FUBP1: variants seen among roughly 807,000 people sequenced by gnomAD.
The protein encoded by FUBP1 is far upstream element binding protein 1, also known as far upstream element-binding protein 1.
A neutral mutation model predicts 94.9 loss-of-function variants in FUBP1; 16 were observed. The observed-to-expected ratio is 0.17, with a 90% CI of 0.11 to 0.26. The LOEUF (loss-of-function observed/expected upper bound fraction) is 0.26. Among genes scored for constraint, FUBP1 ranks in the 10% least tolerant of loss-of-function variants. The pLI, the probability that FUBP1 is intolerant of heterozygous loss-of-function variation, is 1.00. For synonymous variants in FUBP1, 279 were observed against 254.9 expected (o/e 1.09, Z -0.90); for missense variants, 583 against 808.6 (o/e 0.72, Z 3.38).
At chr1:77,950,050 G>A (rs938181858) in intron 18 of FUBP1, among the ~76,000 whole-genome samples, 2 of 152,202 alleles carry the variant, frequency 1.3e-5, no homozygotes, top group South Asian at 2.1e-4. Flanking sequence ...GCAATGAAAT[G>A]CAACGCATGA....
chr1:77,961,917 G>A (rs551422010), intron 14 of FUBP1, among the ~76,000 whole-genome samples: 5 of 152,216 alleles, frequency 3.3e-5, no homozygotes, highest in Admixed American at 3.3e-4. Flanking sequence ...TTTGTAAGAC[G>A]TTCCTTAAGC....
At chr1:77,964,228 C>G (rs985802284) in intron 11 of FUBP1, 26 bp downstream of exon 11, 5 of 1,552,726 alleles carry the variant, frequency 3.2e-6, no homozygotes, top group Middle Eastern at 1.7e-4. Context: ...GCTGCCAACA[C>G]TTACAAGATT....
In FUBP1 at chr1:77,947,531, T is replaced by C. The variant is rs1447421657; in HGVS notation, c.*1235A>G. ...CCTCACCCCTACAGAGCTAGTTCTA[T>C]ACTGGCTGGATCAAACCTGCACTTC... is the stretch of plus-strand genomic sequence containing the variant. On this transcript the variant is annotated 3_prime_UTR_variant, in exon 20 of 20. Transcript: ENST00000370768. The C allele has an allele frequency of 8.1e-6, 11 of 1,352,480 alleles. No individual in the cohort carries two copies. The highest frequency in any genetic ancestry group is 2.2e-5 in the Admixed American group (1 of 45,540). The allele number at this position is 1,352,480 out of a possible 1,614,324, so 83.8% of individuals were successfully genotyped here.
chr1:77,957,190 A>G (rs1302231132), intron 16 of FUBP1, among the ~76,000 whole-genome samples: 2 of 152,226 alleles, frequency 1.3e-5, no homozygotes, highest in Non-Finnish European at 2.9e-5. Context: ...GATTAGCCAC[A>G]TTTCATCCTA....
In FUBP1 at chr1:77,944,442, G is replaced by A. The variant is rs182420994; in HGVS notation, c.*4324C>T. ...ACCAATTTAAAAAAATCCCTCAAAA[G>A]CTTATATTGTGGCAAGAAAAATGAA... On this transcript the variant is annotated 3_prime_UTR_variant, in exon 20 of 20. Transcript: ENST00000370768. Among the ~76,000 whole-genome samples, 4 of 151,808 alleles carry A rather than the reference G, an allele frequency of 2.6e-5. No homozygotes were observed. The highest frequency in any genetic ancestry group is 2.6e-4 in the Admixed American group (4 of 15,234).
At chr1:77,950,940 C>G (rs188360403) in intron 18 of FUBP1, among the ~76,000 whole-genome samples, 67 of 152,192 alleles carry the variant, frequency 4.4e-4, no homozygotes, top group Admixed American at 2.2e-3. Context: ...ACAGAGAACT[C>G]TCATATACTA....
Position 77,947,602 on chromosome 1 carries a change from A to G in FUBP1, c.*1164T>C. On this transcript the variant is annotated 3_prime_UTR_variant, in exon 20 of 20. Transcript: ENST00000370768. The stretch of plus-strand genomic sequence containing the variant: ...ACTGTATTTGCATGTAGTCTAATAT[A>G]TTAATATGCAAAGAGCCAACAAATA... The G allele has an allele frequency of 8.6e-7, 1 of 1,156,076 alleles. No individual in the cohort carries two copies. The highest frequency in any genetic ancestry group is 1.2e-6 in the Non-Finnish European group (1 of 847,960). 71.6% of individuals were successfully genotyped at this position (1,156,076 alleles called of 1,614,324 possible).
rs1397515943 is a variant in FUBP1, at chr1:77,973,714, A to ATTTGGG, written c.121-3700_121-3699insCCCAAA. ...TCCAAGAATTTGGGAGTTGAAAAGAAACTTAAAAGACACAGTAGTCTCTTT... is the reference window on the plus strand; with the variant it reads ...TCCAAGAATTTGGGAGTTGAAAAGAATTTGGGACTTAAAAGACACAGTAGTCTCTTT... On this transcript the variant is annotated intron_variant, in intron 1 of 19. Transcript: ENST00000370768. 3.3e-5 allele frequency among the ~76,000 whole-genome samples: 5 copies of ATTTGGG among 149,892 alleles called. No homozygotes were observed. In the Admixed American group the frequency reaches 3.3e-4, roughly 10 times the overall value.
At chr1:77,973,525 C>G (rs1026210543) in intron 1 of FUBP1, among the ~76,000 whole-genome samples, 1 of 152,234 alleles carries the variant, frequency 6.6e-6, no homozygotes, top group Non-Finnish European at 1.5e-5. Flanking sequence ...GGATTACAGG[C>G]GTAAGCCACC....
intron 13 of FUBP1, 68 bp from the exon 14 acceptor site, chr1:77,962,998 T>TAG (rs1298727290): frequency 9.7e-7 from 1 of 1,029,762 alleles, no homozygotes; most frequent in Non-Finnish European, 1.4e-6. Flanking sequence ...TAGAAGAAAA[T>TAG]GGTCACAATT....
At chr1:77,949,435 CA>C (rs201574163) in intron 18 of FUBP1, 135 bp from the exon 19 acceptor site, 108,677 of 471,382 alleles carry the variant, frequency 0.23, 6,513 homozygotes, top group South Asian at 0.32. Flanking sequence ...CCTTGTTGAC[CA>C]AAAAAAAAAA....
chr1:77,944,784 T>TATATTTTACA lies in FUBP1; in HGVS notation c.*3972_*3981dup, dbSNP rs1226866183. The stretch of plus-strand genomic sequence containing the variant: ...CTACCAAGATAATTTGTTTAAAAGA[T>TATATTTTACA]ATATTTTACAATGTTTATAAACAAC... On this transcript the variant is annotated 3_prime_UTR_variant, in exon 20 of 20. Coordinates refer to ENST00000370768, the MANE Select transcript of FUBP1 (RefSeq NM_003902.5). Among the ~76,000 whole-genome samples, 2 of 151,984 alleles carry TATATTTTACA rather than the reference T, an allele frequency of 1.3e-5. No homozygotes were observed. The highest frequency in any genetic ancestry group is 2.9e-5 in the Non-Finnish European group (2 of 67,852).
chr1:77,974,158 T>TG, intron 1 of FUBP1, among the ~76,000 whole-genome samples: 1 of 143,852 alleles, frequency 7.0e-6, no homozygotes, highest in Admixed American at 7.2e-5. Context: ...TTTTTTGAGA[T>TG]GGAGTCTCGC....
Position 77,945,131 on chromosome 1 carries a change from T to A in FUBP1, c.*3635A>T, listed in dbSNP as rs1012689307. On this transcript the variant is annotated 3_prime_UTR_variant, in exon 20 of 20. Transcript: ENST00000370768. ...TAATGCTTATAGTATCAGTGAAGGC[T>A]TATGGTAATGAATAAAAGAATTCTC... 3.3e-5 allele frequency among the ~76,000 whole-genome samples: 5 copies of A among 151,960 alleles called. No homozygotes were observed. Among genetic ancestry groups the A allele is most frequent in the African/African-American group, 1.2e-4 (5 of 41,438 alleles).
intron 1 of FUBP1, among the ~76,000 whole-genome samples, chr1:77,972,051 A>G (rs2102477776): frequency 6.6e-6 from 1 of 151,862 alleles, no homozygotes; most frequent in African/African-American, 2.4e-5. Context: ...GGTCAATCTA[A>G]CCTTCTTTAA....
intron 12 of FUBP1, 137 bp from the exon 13 acceptor site, chr1:77,963,852 A>G: frequency 1.3e-6 from 1 of 748,070 alleles, no homozygotes; most frequent in Non-Finnish European, 2.2e-6. Flanking sequence ...CTAATAAGTA[A>G]TAACATTTTT....
chr1:77,952,368 G>GTTT (rs200503134), intron 18 of FUBP1, among the ~76,000 whole-genome samples: 2 of 143,068 alleles, frequency 1.4e-5, no homozygotes, highest in Non-Finnish European at 1.5e-5. Context: ...GTTTTCAATA[G>GTTT]TTTTTTTTTT....
rs778022126 is a variant in FUBP1, at chr1:77,968,218, G to A, written c.212-15C>T. 5 of 1,518,028 alleles carry A rather than the reference G, an allele frequency of 3.3e-6. No homozygotes were observed. The highest frequency in any genetic ancestry group is 1.4e-5 in the African/African-American group (1 of 69,046). The allele number at this position is 1,518,028 out of a possible 1,614,324, so 94.0% of individuals were successfully genotyped here. On this transcript the variant is annotated splice_polypyrimidine_tract_variant and intron_variant, in intron 2 of 19. Transcript: ENST00000370768. Reference sequence around the variant, plus strand: ...ATCTGGTTGATCTGCAAAATTAAGTGTCTTTTAATTTTTTGCCAATTAAGT... The same window carrying A: ...ATCTGGTTGATCTGCAAAATTAAGTATCTTTTAATTTTTTGCCAATTAAGT...
intron 18 of FUBP1, among the ~76,000 whole-genome samples, chr1:77,953,909 C>G (rs1258869548): frequency 6.6e-6 from 1 of 152,120 alleles, no homozygotes; most frequent in East Asian, 1.9e-4. Flanking sequence ...CATTAACAAG[C>G]CTTTATTTTT....
Sources: allele counts gnomAD v4.1 joint callset (sites outside exome capture counted in the v4.1 genomes callset), GRCh38; gene constraint gnomAD v4.1.1; transcripts MANE v1.5; gene names NCBI Gene and HGNC (gene_info 2026-07-23, HGNC 2026-07-21).